SLC24A3: variants seen among roughly 807,000 people sequenced by gnomAD.
The protein encoded by SLC24A3 is sodium/potassium/calcium exchanger 3.
Under a neutral mutation model 75.8 loss-of-function variants are expected in SLC24A3, and 28 were observed. That is an observed-to-expected ratio of 0.37 (90% CI 0.27 to 0.51). The LOEUF (loss-of-function observed/expected upper bound fraction) is 0.51. Among genes scored for constraint, SLC24A3 ranks in the 20% least tolerant of loss-of-function variants. SLC24A3 has a pLI of 0.94. For synonymous variants in SLC24A3, 372 were observed against 334.1 expected, an observed-to-expected ratio of 1.11 and a Z score of -1.24; for missense variants, 663 against 847.8, an observed-to-expected ratio of 0.78 and a Z score of 2.71.
At chr20:19,626,300 G>C (rs779177990) in intron 6 of SLC24A3, among the ~76,000 whole-genome samples, 1 of 152,120 alleles carries the variant, frequency 6.6e-6, no homozygotes, top group Non-Finnish European at 1.5e-5. Context: ...GATCAGGGAA[G>C]TACCTTTTCT....
chr20:19,552,320 TG>T (rs2030710541), intron 3 of SLC24A3, among the ~76,000 whole-genome samples: 1 of 152,162 alleles, frequency 6.6e-6, no homozygotes, highest in South Asian at 2.1e-4. Flanking sequence ...CCCTCCTGTC[TG>T]CGCAAGCAAA....
intron 3 of SLC24A3, among the ~76,000 whole-genome samples, chr20:19,531,749 C>T (rs919427629): frequency 6.6e-6 from 1 of 152,172 alleles, no homozygotes; most frequent in African/African-American, 2.4e-5. Flanking sequence ...TCTGAGGAGC[C>T]TGGTGTCTCC....
intron 9 of SLC24A3, 84 bp downstream of exon 9, chr20:19,673,738 G>T: frequency 8.5e-7 from 1 of 1,171,048 alleles, no homozygotes; most frequent in Non-Finnish European, 1.3e-6. Context: ...ATTGGGGTGG[G>T]TATCTGACTG....
chr20:19,291,816 T>C (rs1390765035), intron 2 of SLC24A3, among the ~76,000 whole-genome samples: 4 of 151,870 alleles, frequency 2.6e-5, no homozygotes, highest in African/African-American at 9.7e-5. Context: ...TCAGGGACAC[T>C]GATATGAAAA....
intron 2 of SLC24A3, among the ~76,000 whole-genome samples, chr20:19,507,403 C>T (rs769656454): frequency 1.3e-4 from 20 of 152,302 alleles, no homozygotes; most frequent in Admixed American, 3.9e-4. Context: ...AAACAGCCCC[C>T]GAAGATCAGT....
intron 2 of SLC24A3, among the ~76,000 whole-genome samples, chr20:19,483,373 T>C (rs568239021): frequency 6.6e-6 from 1 of 152,328 alleles, no homozygotes; most frequent in South Asian, 2.1e-4. Context: ...TGGAAATAAA[T>C]GGAAAATAAA....
intron 3 of SLC24A3, among the ~76,000 whole-genome samples, chr20:19,543,051 G>C (rs2030528657): frequency 6.6e-6 from 1 of 152,208 alleles, no homozygotes; most frequent in South Asian, 2.1e-4. Flanking sequence ...CACAGTAAGT[G>C]CTCAGTACAC....
At chr20:19,673,423 G>A (rs1466370808) in intron 8 of SLC24A3, among the ~76,000 whole-genome samples, 178 bp from the exon 9 acceptor site, 1 of 152,214 alleles carries the variant, frequency 6.6e-6, no homozygotes, top group Non-Finnish European at 1.5e-5. Flanking sequence ...GAGAAAGATG[G>A]TTGACAGCCT....
chr20:19,525,710 C>T (rs939315756), intron 3 of SLC24A3, among the ~76,000 whole-genome samples: 24 of 152,246 alleles, frequency 1.6e-4, no homozygotes, highest in East Asian at 3.9e-4. Context: ...AGGACGAGGA[C>T]GGGCACCAAC....
chr20:19,291,329 G>A (rs1983936848), intron 2 of SLC24A3, among the ~76,000 whole-genome samples: 1 of 152,238 alleles, frequency 6.6e-6, no homozygotes, highest in Admixed American at 6.5e-5. Flanking sequence ...AACAATGGGG[G>A]TGGCCTGTCT....
intron 1 of SLC24A3, among the ~76,000 whole-genome samples, chr20:19,228,815 A>T (rs1308632131): frequency 1.3e-5 from 2 of 152,148 alleles, no homozygotes; most frequent in Non-Finnish European, 2.9e-5. Flanking sequence ...GCTGGATTTT[A>T]TTTATTTGCA....
intron 6 of SLC24A3, among the ~76,000 whole-genome samples, chr20:19,633,648 C>CAAAAA (rs61251598): frequency 4.7e-4 from 40 of 84,762 alleles, no homozygotes; most frequent in South Asian, 9.0e-4. Flanking sequence ...GACTCCGTCT[C>CAAAAA]AAAAAAAAAA....
intron 1 of SLC24A3, among the ~76,000 whole-genome samples, chr20:19,228,120 T>C (rs1363136431): frequency 6.6e-6 from 1 of 152,234 alleles, no homozygotes; most frequent in African/African-American, 2.4e-5. Flanking sequence ...TTTTAAAATA[T>C]TGCTTCTTTA....
intron 2 of SLC24A3, among the ~76,000 whole-genome samples, chr20:19,388,453 T>C (rs1043938083): frequency 1.3e-5 from 2 of 152,234 alleles, no homozygotes; most frequent in Non-Finnish European, 2.9e-5. Flanking sequence ...GGCTCACGCC[T>C]GTAATCCCAG....
At chr20:19,633,573 C>T (rs1042417954) in intron 6 of SLC24A3, among the ~76,000 whole-genome samples, 6 of 138,318 alleles carry the variant, frequency 4.3e-5, no homozygotes, top group Middle Eastern at 4.3e-3. Flanking sequence ...GGCGTGAACC[C>T]GGGAGGCGGA....
chr20:19,521,281 T>A (rs1219306971), intron 3 of SLC24A3, among the ~76,000 whole-genome samples: 2 of 152,184 alleles, frequency 1.3e-5, no homozygotes, highest in African/African-American at 4.8e-5. Flanking sequence ...AGTTTCCTAA[T>A]TTATAGTCCC....
chr20:19,465,166 A>C (rs6046112), intron 2 of SLC24A3, among the ~76,000 whole-genome samples: 35 of 152,348 alleles, frequency 2.3e-4, no homozygotes, highest in African/African-American at 8.2e-4. Context: ...AAAAGTCCTT[A>C]CCAGGGCAGA....
chr20:19,345,525 C>T (rs1156392308), intron 2 of SLC24A3, among the ~76,000 whole-genome samples: 2 of 152,034 alleles, frequency 1.3e-5, no homozygotes, highest in African/African-American at 2.4e-5. Context: ...GTAATCAAGA[C>T]AATGTGGTAT....
intron 14 of SLC24A3, chr20:19,697,458 C>A (rs1238156436): frequency 1.3e-5 from 2 of 153,272 alleles, no homozygotes; most frequent in Non-Finnish European, 2.9e-5. Context: ...CAAACCTCAT[C>A]CCTAAGGCTG....
Sources: gnomAD v4.1 joint callset for allele counts (sites outside exome capture counted in the v4.1 genomes callset) on GRCh38, gnomAD v4.1.1 for gene constraint, MANE v1.5 for transcripts, NCBI Gene and HGNC (gene_info 2026-07-23, HGNC 2026-07-21) for gene names.